The following ARK2C variants were observed in gnomAD, a reference collection of about 807,000 sequenced individuals.
ARK2C encodes the protein E3 ubiquitin-protein ligase ARK2C.
At chr18:46,346,417 C>G in the ARK2C span, among the ~76,000 whole-genome samples, 1 of 146,752 alleles carries the variant, frequency 6.8e-6, no homozygotes, top group Non-Finnish European at 1.5e-5. Context: ...TCACCCGAAA[C>G]AGAAACTAAG....
At chr18:46,340,186 T>C in the ARK2C span, among the ~76,000 whole-genome samples, 1 of 152,216 alleles carries the variant, frequency 6.6e-6, no homozygotes, top group South Asian at 2.1e-4. Context: ...TGAATTAGTA[T>C]TTATTAGTTT....
the ARK2C span, among the ~76,000 whole-genome samples, chr18:46,366,227 G>A: frequency 1.4e-5 from 2 of 147,502 alleles, no homozygotes; most frequent in Non-Finnish European, 1.5e-5. Context: ...GGGAGGTGGA[G>A]GTTGAAGTGA....
the ARK2C span, among the ~76,000 whole-genome samples, chr18:46,380,614 C>T: frequency 6.6e-5 from 10 of 152,200 alleles, no homozygotes; most frequent in African/African-American, 2.4e-4. Flanking sequence ...CTGAGCTGGT[C>T]GCTGGGAGGC....
At chr18:46,364,167 C>T in the ARK2C span, among the ~76,000 whole-genome samples, 1 of 151,710 alleles carries the variant, frequency 6.6e-6, no homozygotes, top group Middle Eastern at 3.4e-3. Context: ...AGGCTGGTCT[C>T]GAACTCCTGA....
the ARK2C span, among the ~76,000 whole-genome samples, chr18:46,411,846 G>A: frequency 6.6e-6 from 1 of 152,204 alleles, no homozygotes; most frequent in African/African-American, 2.4e-5. Context: ...CCGTGTATGT[G>A]TGATCTTTAC....
the ARK2C span, chr18:46,447,623 G>C: frequency 3.1e-6 from 5 of 1,613,932 alleles, no homozygotes; most frequent in African/African-American, 6.7e-5. Context: ...CCATCCCTCA[G>C]CACTATCAGC....
At chr18:46,339,548 T>A in the ARK2C span, among the ~76,000 whole-genome samples, 2 of 152,212 alleles carry the variant, frequency 1.3e-5, no homozygotes, top group African/African-American at 4.8e-5. Flanking sequence ...TTCTTTATAT[T>A]TATTCTCTCA....
chr18:46,436,419 T>C, the ARK2C span, among the ~76,000 whole-genome samples: 71 of 152,296 alleles, frequency 4.7e-4, no homozygotes, highest in African/African-American at 1.7e-3. Flanking sequence ...ATGCTGTTCT[T>C]GCAACTTTTA....
chr18:46,398,783 T>C, the ARK2C span, among the ~76,000 whole-genome samples: 1 of 152,166 alleles, frequency 6.6e-6, no homozygotes, highest in Non-Finnish European at 1.5e-5. Flanking sequence ...TCCTCCCTCA[T>C]GGCTCAGTGC....
chr18:46,410,883 C>T, the ARK2C span, among the ~76,000 whole-genome samples: 2 of 152,220 alleles, frequency 1.3e-5, no homozygotes, highest in Non-Finnish European at 2.9e-5. Flanking sequence ...GTAATGTTTA[C>T]GGGAGGCCCT....
chr18:46,387,485 G>T, the ARK2C span, among the ~76,000 whole-genome samples: 1 of 152,276 alleles, frequency 6.6e-6, no homozygotes, highest in Non-Finnish European at 1.5e-5. Flanking sequence ...TCCAGGACTA[G>T]GGGAGAAACT....
chr18:46,343,290 C>T, the ARK2C span, among the ~76,000 whole-genome samples: 2 of 152,204 alleles, frequency 1.3e-5, no homozygotes, highest in Admixed American at 1.3e-4. Context: ...AGGAATATGA[C>T]TTGAATAAAC....
the ARK2C span, among the ~76,000 whole-genome samples, chr18:46,441,977 A>G: frequency 6.7e-6 from 1 of 150,194 alleles, no homozygotes; most frequent in Non-Finnish European, 1.5e-5. Flanking sequence ...ATCCTGGCTG[A>G]CACGGTGAAA....
At chr18:46,450,844 A>AG in the ARK2C span, 1 of 1,434,768 alleles carries the variant, frequency 7.0e-7, no homozygotes, top group South Asian at 1.2e-5. Context: ...GGAATGGGGC[A>AG]GGGGGGTTGT....
At chr18:46,397,232 T>G in the ARK2C span, among the ~76,000 whole-genome samples, 1 of 152,138 alleles carries the variant, frequency 6.6e-6, no homozygotes. Flanking sequence ...CAGCCTTTCC[T>G]AGGGTCAGGA....
At chr18:46,348,625 G>A in the ARK2C span, among the ~76,000 whole-genome samples, 3 of 152,180 alleles carry the variant, frequency 2.0e-5, no homozygotes, top group African/African-American at 7.2e-5. Flanking sequence ...ACACAGGGGT[G>A]GGACTGATCC....
chr18:46,352,535 T>G, the ARK2C span, among the ~76,000 whole-genome samples: 2 of 152,038 alleles, frequency 1.3e-5, no homozygotes, highest in Non-Finnish European at 2.9e-5. Context: ...CAGCCTAGAG[T>G]GGTGCTCAAT....
At chr18:46,334,027 G>A in the ARK2C span, 1 of 150,882 alleles carries the variant, frequency 6.6e-6, no homozygotes, top group Admixed American at 6.6e-5. This position sits in a 1 kb window ranked among gnomAD's most constrained non-coding sequence, Gnocchi z 4.4. Flanking sequence ...CATTGGCTGC[G>A]CGCGCCTTTG....
At chr18:46,418,890 C>A in the ARK2C span, among the ~76,000 whole-genome samples, 7 of 152,224 alleles carry the variant, frequency 4.6e-5, no homozygotes, top group Admixed American at 4.6e-4. Flanking sequence ...TCTGGACAGA[C>A]AGAAAATCTT....
Sources: allele counts gnomAD v4.1 joint callset (sites outside exome capture counted in the v4.1 genomes callset), GRCh38; gene constraint gnomAD v4.1.1; non-coding constraint Gnocchi (gnomAD v3.1); transcripts MANE v1.5; gene names NCBI Gene and HGNC (gene_info 2026-07-23, HGNC 2026-07-21).